Variants in ITGB6 observed in about 807,000 individuals in gnomAD.
ITGB6 encodes the protein integrin beta-6.
ITGB6 carries 80 observed loss-of-function variants against 84.5 expected under a neutral mutation model. That is an observed-to-expected ratio of 0.95 (90% CI 0.79 to 1.14). The LOEUF (loss-of-function observed/expected upper bound fraction) is 1.14, where lower values mean the gene tolerates loss of function less well. Ranked by LOEUF, ITGB6 falls within the 50% of genes most tolerant of loss-of-function variation. The pLI, the probability that ITGB6 is intolerant of heterozygous loss-of-function variation, is 0.00. For missense variants in ITGB6, 1,006 were observed against 968.0 expected (o/e 1.04, Z -0.52); for synonymous variants, 383 against 354.9 (o/e 1.08, Z -0.89).
intron 7 of ITGB6, among the ~76,000 whole-genome samples, chr2:160,167,871 C>T (rs1685060791): frequency 6.6e-6 from 1 of 152,184 alleles, no homozygotes; most frequent in Non-Finnish European, 1.5e-5. Flanking sequence ...ACTCCTCCTC[C>T]CACTTCTAAA....
chr2:160,161,586 C>A (rs941263731), intron 7 of ITGB6, among the ~76,000 whole-genome samples: 1 of 152,106 alleles, frequency 6.6e-6, no homozygotes, highest in African/African-American at 2.4e-5. Context: ...CCACCATGCC[C>A]GGCCAGAAAA....
intron 14 of ITGB6, among the ~76,000 whole-genome samples, chr2:160,103,267 G>A (rs1469557799): frequency 2.0e-5 from 3 of 152,168 alleles, no homozygotes; most frequent in Admixed American, 6.5e-5. Context: ...AACACTCCCC[G>A]GTCTTTCCCA....
intron 13 of ITGB6, 99 bp from the exon 14 acceptor site, chr2:160,107,944 G>A (rs1696975748): frequency 9.3e-7 from 1 of 1,074,460 alleles, no homozygotes; most frequent in Admixed American, 2.6e-5. Context: ...TTCTGCAGCA[G>A]AGGATAAATA....
chr2:160,182,883 C>T (rs537007012), intron 4 of ITGB6, among the ~76,000 whole-genome samples: 217 of 152,216 alleles, frequency 1.4e-3, no homozygotes, highest in Non-Finnish European at 2.8e-3. Flanking sequence ...TTTCATATCT[C>T]GCCAAACTGA....
chr2:160,199,954 T>C (rs763918547), intron 1 of ITGB6, 49 bp downstream of exon 1: 5 of 1,404,308 alleles, frequency 3.6e-6, no homozygotes, highest in Admixed American at 3.4e-5. Context: ...AAATGACAGG[T>C]TTGTCAAGCA....
In ITGB6 at chr2:160,137,798, G is replaced by A. The variant is rs1683816110; in HGVS notation, c.1296C>T (p.His432=). 2 of 1,614,034 alleles carry A rather than the reference G, an allele frequency of 1.2e-6. No homozygotes were observed. Among genetic ancestry groups the A allele is most frequent in the Non-Finnish European group, 1.7e-6 (2 of 1,180,024 alleles). ...CCAGCCCCACAGGCTTTATGATAAT[G>A]TGCCTGCTTCTTCTCTCGCAGTGTG... ...NIPHCERRSR[H]IIIKPVGLGD... The change falls in exon 10 of 15, where the codon CAC becomes CAT. Residue 432 remains histidine, a synonymous_variant. Coordinates refer to ENST00000283249, the MANE Select transcript of ITGB6 (RefSeq NM_000888.5).
intron 12 of ITGB6, among the ~76,000 whole-genome samples, chr2:160,115,002 T>C (rs916370805): frequency 2.0e-5 from 3 of 152,166 alleles, no homozygotes; most frequent in Admixed American, 1.3e-4. Context: ...GCTGGGAAGC[T>C]CAAACTGGGT....
intron 4 of ITGB6, among the ~76,000 whole-genome samples, chr2:160,179,423 CTG>C (rs1298774631): frequency 2.8e-5 from 4 of 140,852 alleles, no homozygotes; most frequent in Non-Finnish European, 6.1e-5. Flanking sequence ...GACTCTCACT[CTG>C]TCGCCCAGGC....
At chr2:160,190,603 G>T (rs1310982534) in intron 4 of ITGB6, among the ~76,000 whole-genome samples, 1 of 152,154 alleles carries the variant, frequency 6.6e-6, no homozygotes, top group Non-Finnish European at 1.5e-5. Flanking sequence ...ATATACTCAT[G>T]CCTGGCACAT....
At position 160,153,006 on chromosome 2, in the gene ITGB6, T is replaced by A. The variant is rs59941098; in HGVS notation, c.1018-10935A>T. Among the ~76,000 whole-genome samples the A allele has an allele frequency of 8.7e-3, 1,330 of 152,320 alleles. 27 individuals are homozygous for A. Among genetic ancestry groups the A allele is most frequent in the African/African-American group, 0.031 (1,284 of 41,568 alleles). ...AGAATCAATATTGTGAAAATGGTCA[T>A]ACTGCCCAAGGTAATTTATAAGTTC... On this transcript the variant is annotated intron_variant, in intron 7 of 14. Transcript: ENST00000283249.
intron 7 of ITGB6, among the ~76,000 whole-genome samples, chr2:160,151,263 A>T (rs1051032155): frequency 1.4e-4 from 22 of 152,256 alleles, no homozygotes; most frequent in African/African-American, 5.3e-4. Context: ...CCACAGTGCA[A>T]TAAAATTAGA....
rs1392890386 is a variant in ITGB6, at chr2:160,100,066, G to C, written c.*1670C>G. On this transcript the variant is annotated 3_prime_UTR_variant, in exon 15 of 15. Transcript: ENST00000283249. ...TATCAGCCCTTCGGATTTTCAAGGT[G>C]ATTTTTCAGTAATTCTTTCACCTAG... 2 of 152,112 alleles carry C rather than the reference G, an allele frequency of 1.3e-5. No individual in the cohort carries two copies. Among genetic ancestry groups the C allele is most frequent in the African/African-American group, 4.8e-5 (2 of 41,418 alleles). The allele number at this position is 152,112 out of a possible 1,614,324, so 9.4% of individuals were successfully genotyped here.
chr2:160,163,220 G>A (rs2105855175), intron 7 of ITGB6, among the ~76,000 whole-genome samples: 1 of 152,240 alleles, frequency 6.6e-6, no homozygotes, highest in South Asian at 2.1e-4. Context: ...CAGCAATAGG[G>A]AAGAACCCTA....
chr2:160,134,295 G>T (rs1179783841), intron 10 of ITGB6, among the ~76,000 whole-genome samples: 1 of 152,144 alleles, frequency 6.6e-6, no homozygotes, highest in Non-Finnish European at 1.5e-5. Context: ...AAATAAACTA[G>T]AAAATCTGGA....
chr2:160,197,552 C>T (rs1686392380), intron 2 of ITGB6, among the ~76,000 whole-genome samples: 1 of 152,240 alleles, frequency 6.6e-6, no homozygotes, highest in African/African-American at 2.4e-5. Flanking sequence ...AAAACCAATG[C>T]TCATACTATT....
intron 10 of ITGB6, among the ~76,000 whole-genome samples, chr2:160,133,184 C>T (rs1480646925): frequency 6.6e-6 from 1 of 152,082 alleles, no homozygotes; most frequent in Non-Finnish European, 1.5e-5. Context: ...ACTGCAAAGA[C>T]ACACATAGGC....
At chr2:160,148,657 C>T (rs180749588) in intron 7 of ITGB6, among the ~76,000 whole-genome samples, 24 of 152,286 alleles carry the variant, frequency 1.6e-4, no homozygotes, top group South Asian at 2.1e-4. Flanking sequence ...TTGCCTCACC[C>T]GGGAAGTGCA....
At chr2:160,152,476 C>T (rs1169728156) in intron 7 of ITGB6, among the ~76,000 whole-genome samples, 1 of 152,114 alleles carries the variant, frequency 6.6e-6, no homozygotes, top group Admixed American at 6.5e-5. Flanking sequence ...TTATGACAAA[C>T]CCACAGCCAA....
chr2:160,157,933 T>A (rs1235725670), intron 7 of ITGB6, among the ~76,000 whole-genome samples: 2 of 152,244 alleles, frequency 1.3e-5, no homozygotes, highest in East Asian at 3.9e-4. Flanking sequence ...GTGAGGTCTT[T>A]CATTCTTGTG....
Sources: allele counts gnomAD v4.1 joint callset (sites outside exome capture counted in the v4.1 genomes callset), GRCh38; gene constraint gnomAD v4.1.1; transcripts MANE v1.5; gene names NCBI Gene and HGNC (gene_info 2026-07-23, HGNC 2026-07-21).